The following OSBPL2 variants were observed in gnomAD, a reference collection of about 807,000 sequenced individuals.
OSBPL2 encodes the protein oxysterol-binding protein-related protein 2.
In OSBPL2, 18 loss-of-function variants were observed where a neutral mutation model predicts 58.4. That is an observed-to-expected ratio of 0.31 (90% confidence interval 0.21 to 0.46). The LOEUF (loss-of-function observed/expected upper bound fraction) is 0.46. OSBPL2 is among the 20% of genes least tolerant of loss of function. OSBPL2 has a pLI of 1.00. For synonymous variants in OSBPL2, 221 were observed against 234.1 expected (o/e 0.94, Z 0.51); for missense variants, 461 against 616.5 (o/e 0.75, Z 2.67).
chr20:62,262,893 C>T (rs1380838879), intron 3 of OSBPL2, among the ~76,000 whole-genome samples: 2 of 152,178 alleles, frequency 1.3e-5, no homozygotes, highest in Admixed American at 6.5e-5. Context: ...TACTCTGCAG[C>T]ACCTTCTTTG....
In OSBPL2 at chr20:62,295,978, T is replaced by C. The variant is rs1405751793; in HGVS notation, c.*2091T>C. ...ACAGACAGCCCCTCTTCTGCTGTCCTTGAGGACAGACACCAAACCAGAGGT... is the reference window on the plus strand; with the variant it reads ...ACAGACAGCCCCTCTTCTGCTGTCCCTGAGGACAGACACCAAACCAGAGGT... On this transcript the variant is annotated 3_prime_UTR_variant, in exon 14 of 14. Transcript: ENST00000313733. The surrounding 1 kb of genome is among the most constrained non-coding windows in gnomAD (Gnocchi z 4.8). The C allele has an allele frequency of 3.3e-5, 5 of 152,220 alleles. No individual in the cohort carries two copies. Among genetic ancestry groups the C allele is most frequent in the African/African-American group, 1.2e-4 (5 of 41,458 alleles). 9.4% of individuals were successfully genotyped at this position (152,220 alleles called of 1,614,324 possible).
At chr20:62,258,271 C>T (rs1456062218) in intron 2 of OSBPL2, among the ~76,000 whole-genome samples, 1 of 152,216 alleles carries the variant, frequency 6.6e-6, no homozygotes, top group Admixed American at 6.5e-5. Context: ...CACTTCATCT[C>T]TTTATGCGAT....
At chr20:62,275,925 T>TA (rs1374118195) in intron 6 of OSBPL2, among the ~76,000 whole-genome samples, 1 of 151,334 alleles carries the variant, frequency 6.6e-6, no homozygotes, top group African/African-American at 2.4e-5. Flanking sequence ...TTTTTTTTTT[T>TA]TTGAGACGGA....
intron 12 of OSBPL2, among the ~76,000 whole-genome samples, chr20:62,290,614 G>A: frequency 6.6e-6 from 1 of 150,994 alleles, no homozygotes; most frequent in Non-Finnish European, 1.5e-5. Context: ...TAGAGACAGG[G>A]TTTCACCATG....
At chr20:62,281,764 G>A (rs1386556097) in intron 8 of OSBPL2, 26 bp from the exon 9 acceptor site, 2 of 1,552,572 alleles carry the variant, frequency 1.3e-6, no homozygotes, top group African/African-American at 2.7e-5. Flanking sequence ...TCTTGCAGCA[G>A]AAACCTGTGT....
chr20:62,284,212 C>T, intron 10 of OSBPL2, 43 bp downstream of exon 10: 1 of 1,613,394 alleles, frequency 6.2e-7, no homozygotes, highest in Non-Finnish European at 8.5e-7. Context: ...GCCCTGGGTG[C>T]TGAGGGCTGC....
chr20:62,250,856 T>G (rs1253095513), intron 1 of OSBPL2, among the ~76,000 whole-genome samples: 2 of 151,912 alleles, frequency 1.3e-5, no homozygotes, highest in Non-Finnish European at 2.9e-5. Context: ...GTGCTGGAGG[T>G]CAAGGCTGCA....
intron 1 of OSBPL2, among the ~76,000 whole-genome samples, chr20:62,250,255 C>G (rs1980434862): frequency 6.6e-6 from 1 of 152,036 alleles, no homozygotes; most frequent in Non-Finnish European, 1.5e-5. Context: ...CTGGATAAGG[C>G]CTCTTCATTT....
rs2145946911 is a variant in OSBPL2 at position 62,269,145 on chromosome 20, C to G, written c.259-2980C>G. 6.6e-6 allele frequency among the ~76,000 whole-genome samples: 1 copy of G among 152,284 alleles called. No individual in the cohort carries two copies. The highest frequency in any genetic ancestry group is 2.4e-5 in the African/African-American group (1 of 41,570). ...TAAACTCCTGGCCTTAAGTGATCCT[C>G]CCCGCCTTGGCCCTGCAAAGTGTTG... On this transcript the variant is annotated intron_variant, in intron 4 of 13. Transcript: ENST00000313733. The surrounding 1 kb of genome is among the most constrained non-coding windows in gnomAD (Gnocchi z 4.2).
At chr20:62,266,842 A>G (rs796964767) in intron 4 of OSBPL2, among the ~76,000 whole-genome samples, 39 of 152,324 alleles carry the variant, frequency 2.6e-4, no homozygotes, top group African/African-American at 7.9e-4. Context: ...TACTCAATCT[A>G]TGTTCAAATG....
chr20:62,241,349 C>T (rs1979721246), intron 1 of OSBPL2, among the ~76,000 whole-genome samples: 1 of 152,234 alleles, frequency 6.6e-6, no homozygotes, highest in African/African-American at 2.4e-5. Flanking sequence ...CCCGCCACCA[C>T]ACCTGGCTAA....
At chr20:62,260,505 T>A (rs1002095792) in intron 3 of OSBPL2, among the ~76,000 whole-genome samples, 1 of 152,212 alleles carries the variant, frequency 6.6e-6, no homozygotes, top group Non-Finnish European at 1.5e-5. Flanking sequence ...CAGATCTGCC[T>A]GCTTTTCCAT....
chr20:62,268,067 T>C (rs1470575125), intron 4 of OSBPL2, among the ~76,000 whole-genome samples: 1 of 148,470 alleles, frequency 6.7e-6, no homozygotes, highest in Non-Finnish European at 1.5e-5. Flanking sequence ...TTTTTTTTTT[T>C]TTTGTATTTT....
At chr20:62,247,657 C>T (rs1474949504) in intron 1 of OSBPL2, among the ~76,000 whole-genome samples, 1 of 150,904 alleles carries the variant, frequency 6.6e-6, no homozygotes, top group Admixed American at 6.6e-5. Flanking sequence ...CCTTAGGGTC[C>T]TTTCTTTCTT....
rs1042241808 is a variant in OSBPL2 at position 62,269,401 on chromosome 20, G to A, written c.259-2724G>A. On this transcript the variant is annotated intron_variant, in intron 4 of 13. Coordinates refer to ENST00000313733, the MANE Select transcript of OSBPL2 (RefSeq NM_144498.4). This position sits in a 1 kb window ranked among gnomAD's most constrained non-coding sequence, Gnocchi z 4.2. ...TAGAAGTGGGGCTGCTGGGTCAGGG[G>A]CAAATACCCGTAGAGTTTGCTAGAA... 9.9e-5 allele frequency among the ~76,000 whole-genome samples: 15 copies of A among 152,200 alleles called. No individual in the cohort carries two copies.
intron 12 of OSBPL2, among the ~76,000 whole-genome samples, chr20:62,290,731 T>G (rs996072680): frequency 7.4e-5 from 11 of 148,348 alleles, no homozygotes; most frequent in Admixed American, 2.7e-4. Context: ...GGTTTTTTTT[T>G]TTGTTTTTTT....
At chr20:62,256,271 C>T in intron 2 of OSBPL2, 50 bp downstream of exon 2, 1 of 1,560,542 alleles carries the variant, frequency 6.4e-7, no homozygotes, top group Non-Finnish European at 8.8e-7. Flanking sequence ...GTGAACGTCC[C>T]TGGATTCAGA....
chr20:62,244,116 A>T (rs1008195068), intron 1 of OSBPL2, among the ~76,000 whole-genome samples: 7 of 152,312 alleles, frequency 4.6e-5, no homozygotes, highest in African/African-American at 1.7e-4. Flanking sequence ...CACTCCAGCA[A>T]GCCAGCCACT....
Position 62,290,423 on chromosome 20 carries a change from T to TG in OSBPL2, c.1249+1093_1249+1094insG, listed in dbSNP as rs1321797256. On this transcript the variant is annotated intron_variant, in intron 12 of 13. Transcript: ENST00000313733. ...GCTAATTTTTTGGGTTTTTTTTTTT[T>TG]TTTTTTTTTTTGAGACGGAGTCTCA... Among the ~76,000 whole-genome samples, 827 of 138,498 alleles carry TG rather than the reference T, an allele frequency of 6.0e-3. 14 individuals are homozygous for TG. Among genetic ancestry groups the TG allele is most frequent in the African/African-American group, 0.021 (778 of 37,216 alleles). 90.9% of individuals were successfully genotyped at this position (138,498 alleles called of 152,430 possible).
Sources: gnomAD v4.1 joint callset for allele counts (sites outside exome capture counted in the v4.1 genomes callset) on GRCh38, gnomAD v4.1.1 for gene constraint, Gnocchi (gnomAD v3.1) non-coding constraint, MANE v1.5 for transcripts, NCBI Gene and HGNC (gene_info 2026-07-23, HGNC 2026-07-21) for gene names.